The following FGFR2 variants were observed in gnomAD, a reference collection of about 807,000 sequenced individuals.
FGFR2 encodes the protein fibroblast growth factor receptor 2, also known as BEK fibroblast growth factor receptor.
In FGFR2, 19 loss-of-function variants were observed where a neutral mutation model predicts 95.9. The observed-to-expected ratio is 0.20, with a 90% CI of 0.14 to 0.29. The LOEUF (loss-of-function observed/expected upper bound fraction) is 0.29, where lower values mean the gene tolerates loss of function less well. Ranked by LOEUF, FGFR2 falls within the 10% of genes least tolerant of loss-of-function variation. The probability of loss-of-function intolerance (pLI) is 1.00; values close to 1 mark genes in which losing one functional copy is unlikely to be tolerated. For missense variants in FGFR2, 707 were observed against 1,056.9 expected (o/e 0.67, Z 4.59); for synonymous variants, 392 against 393.3 (o/e 1.00, Z 0.04).
At position 121,487,341 on chromosome 10, in the gene FGFR2, G is replaced by A. The variant is rs766686066; in HGVS notation, c.2057+13C>T. The A allele has an allele frequency of 1.9e-6, 3 of 1,607,790 alleles. No homozygotes were observed. Among genetic ancestry groups the A allele is most frequent in the South Asian group, 1.1e-5 (1 of 90,920 alleles). On this transcript the variant is annotated intron_variant, in intron 15 of 17. Coordinates refer to ENST00000358487, the MANE Select transcript of FGFR2 (RefSeq NM_000141.5). ...AAGCCCAGGAAAAAGCCAGAGAAAAGAGAGTTACTCACACATCACTCTGAT... is the reference window on the plus strand; with the variant it reads ...AAGCCCAGGAAAAAGCCAGAGAAAAAAGAGTTACTCACACATCACTCTGAT...
At chr10:121,540,627 C>T (rs1589914765) in intron 5 of FGFR2, among the ~76,000 whole-genome samples, 1 of 152,136 alleles carries the variant, frequency 6.6e-6, no homozygotes, top group African/African-American at 2.4e-5. Flanking sequence ...CTCAAGCTCT[C>T]AAGGGTAACA....
intron 2 of FGFR2, among the ~76,000 whole-genome samples, chr10:121,574,731 AAC>A (rs1441751305): frequency 6.6e-6 from 1 of 152,016 alleles, no homozygotes; most frequent in Non-Finnish European, 1.5e-5. Context: ...CCTCACATCA[AAC>A]AGAGACCTTA....
intron 2 of FGFR2, among the ~76,000 whole-genome samples, chr10:121,577,008 G>A (rs1384584595): frequency 1.3e-5 from 2 of 149,832 alleles, no homozygotes; most frequent in Non-Finnish European, 3.0e-5. Flanking sequence ...GGTGGCAGGC[G>A]CCTATAGTCC....
Position 121,479,927 on chromosome 10 carries a change from G to A in FGFR2, c.2396C>T (p.Ser799Phe). Residue 799 changes from serine to phenylalanine, a missense_variant, in exon 18 of 18, where the codon TCT becomes TTT. This residue lies in a region of FGFR2 where 51 missense variants were observed against 50.2 expected (regional missense o/e 1.01). Transcript: ENST00000358487. ...TGGTTCGTAAGGCATGGGGTCTGGA[G>A]AAAAAACAGAATCATCTCCTGAAGA... Reference protein sequence around the residue: ...SCSSGDDSVFSPDPMPYEPCL... With the variant: ...SCSSGDDSVFFPDPMPYEPCL... The A allele has an allele frequency of 6.2e-7, 1 of 1,614,140 alleles. No homozygotes were observed. The highest frequency in any genetic ancestry group is 8.5e-7 in the Non-Finnish European group (1 of 1,180,022).
intron 13 of FGFR2, among the ~76,000 whole-genome samples, chr10:121,492,123 C>T (rs1266340857): frequency 6.6e-6 from 1 of 152,094 alleles, no homozygotes; most frequent in East Asian, 1.9e-4. Flanking sequence ...CTGCAGTGAG[C>T]CAAGATCACG....
chr10:121,501,517 T>A (rs1299874850), intron 10 of FGFR2, among the ~76,000 whole-genome samples: 1 of 152,152 alleles, frequency 6.6e-6, no homozygotes, highest in Non-Finnish European at 1.5e-5. Flanking sequence ...TATGACTACA[T>A]AAAATTAACA....
intron 4 of FGFR2, among the ~76,000 whole-genome samples, chr10:121,555,863 G>C (rs1856060331): frequency 6.6e-6 from 1 of 152,206 alleles, no homozygotes; most frequent in Non-Finnish European, 1.5e-5. Context: ...ATGAGTTAAA[G>C]AGAGATTTAT....
In FGFR2 at chr10:121,479,338, AGCAAAT is replaced by A; in HGVS notation, c.*513_*518del. On this transcript the variant is annotated 3_prime_UTR_variant, in exon 18 of 18. Coordinates refer to ENST00000358487, the MANE Select transcript of FGFR2 (RefSeq NM_000141.5). ...GAAATTATGTGTAAGAACAGCATTT[AGCAAAT>A]AGCTATTAAAAAAAGAGAGACCAAT... The A allele has an allele frequency of 3.6e-6, 1 of 278,754 alleles. No individual in the cohort carries two copies. The highest frequency in any genetic ancestry group is 2.2e-5 in the African/African-American group (1 of 46,432). 17.3% of individuals were successfully genotyped at this position (278,754 alleles called of 1,614,324 possible). A position where few individuals can be genotyped will look rare whatever the true frequency, so the allele number is the denominator to read the frequency against.
At chr10:121,504,763 C>A (rs1848062939) in intron 9 of FGFR2, among the ~76,000 whole-genome samples, 1 of 152,204 alleles carries the variant, frequency 6.6e-6, no homozygotes, top group African/African-American at 2.4e-5. Flanking sequence ...TATCCTGATC[C>A]ATTTCAGTGT....
At chr10:121,483,382 C>T (rs891490146) in intron 17 of FGFR2, among the ~76,000 whole-genome samples, 5 of 152,156 alleles carry the variant, frequency 3.3e-5, no homozygotes, top group Non-Finnish European at 7.3e-5. Flanking sequence ...CCATGCACAC[C>T]AAAATGCAAG....
intron 8 of FGFR2, among the ~76,000 whole-genome samples, chr10:121,516,128 T>TCCAA (rs1849677567): frequency 6.6e-6 from 1 of 152,158 alleles, no homozygotes; most frequent in Non-Finnish European, 1.5e-5. Context: ...TCTGACTTCT[T>TCCAA]CTTAGTCCTC....
intron 2 of FGFR2, among the ~76,000 whole-genome samples, chr10:121,587,025 A>G (rs1020792149): frequency 2.0e-5 from 3 of 152,212 alleles, no homozygotes; most frequent in Non-Finnish European, 4.4e-5. Flanking sequence ...CCAAAACAGC[A>G]TGGTACTGGT....
At chr10:121,573,904 G>GT (rs1475252163) in intron 2 of FGFR2, among the ~76,000 whole-genome samples, 2 of 152,146 alleles carry the variant, frequency 1.3e-5, no homozygotes, top group Non-Finnish European at 2.9e-5. Context: ...CTGTAGGGCT[G>GT]TAGGGCTGCC....
rs370602437 is a variant in FGFR2, at chr10:121,503,854, T to C, written c.1375A>G (p.Met459Val). The change falls in exon 10 of 18, where the codon ATG becomes GTG. Residue 459 changes from methionine to valine, a missense_variant. Around this residue, in one of 7 missense-constraint regions of FGFR2, gnomAD observed 194 missense variants for 267.3 expected, o/e 0.73. Transcript: ENST00000358487. ...TRLSSTADTPMLAGVSEYELP... is the reference protein window; with the variant it reads ...TRLSSTADTPVLAGVSEYELP... ...TCATACTCGGAGACCCCTGCCAGCA[T>C]GGGGGTGTCTGCCGTTGAAGAGAGG... The C allele has an allele frequency of 8.1e-6, 13 of 1,613,910 alleles. No individual in the cohort carries two copies. The highest frequency in any genetic ancestry group is 1.6e-4 in the Middle Eastern group (1 of 6,084).
chr10:121,529,954 A>G (rs1347658127), intron 6 of FGFR2, among the ~76,000 whole-genome samples: 1 of 152,132 alleles, frequency 6.6e-6, no homozygotes, highest in Non-Finnish European at 1.5e-5. Context: ...CTCCAAGCCA[A>G]AGCAATGAGG....
intron 2 of FGFR2, among the ~76,000 whole-genome samples, chr10:121,587,566 CAAAT>C (rs1862010308): frequency 6.6e-6 from 1 of 151,852 alleles, no homozygotes; most frequent in Non-Finnish European, 1.5e-5. Context: ...AAGAGAAAAA[CAAAT>C]AACCACATAA....
intron 4 of FGFR2, among the ~76,000 whole-genome samples, chr10:121,562,872 T>C (rs562925424): frequency 1.3e-5 from 2 of 152,330 alleles, no homozygotes; most frequent in African/African-American, 4.8e-5. Flanking sequence ...AGGCTATGCA[T>C]GTGTTGGGGA....
intron 13 of FGFR2, among the ~76,000 whole-genome samples, chr10:121,495,250 C>T (rs905846379): frequency 6.6e-6 from 1 of 151,778 alleles, no homozygotes; most frequent in African/African-American, 2.4e-5. Flanking sequence ...GATTTTTATA[C>T]GAAAAAGATC....
At chr10:121,575,592 T>C (rs1859594915) in intron 2 of FGFR2, among the ~76,000 whole-genome samples, 1 of 152,260 alleles carries the variant, frequency 6.6e-6, no homozygotes, top group South Asian at 2.1e-4. Flanking sequence ...CGGTGGCTCA[T>C]GCCTGTAATC....
Sources: gnomAD v4.1 joint callset for allele counts (sites outside exome capture counted in the v4.1 genomes callset) on GRCh38, gnomAD v4.1.1 for gene constraint, gnomAD v4.1.1 regional missense constraint, MANE v1.5 for transcripts, NCBI Gene and HGNC (gene_info 2026-07-23, HGNC 2026-07-21) for gene names.